Variants in SNRK observed in about 807,000 individuals in gnomAD.
SNRK encodes the protein SNF-related serine/threonine-protein kinase.
A neutral mutation model predicts 48.2 loss-of-function variants in SNRK; 3 were observed. The observed-to-expected ratio is 0.06, with a 90% CI of 0.03 to 0.16. The LOEUF (loss-of-function observed/expected upper bound fraction) is 0.16, where lower values mean the gene tolerates loss of function less well. Among genes scored for constraint, SNRK ranks in the 10% least tolerant of loss-of-function variants. The pLI, the probability that SNRK is intolerant of heterozygous loss-of-function variation, is 1.00. For missense variants in SNRK, 627 were observed against 976.0 expected, an observed-to-expected ratio of 0.64 and a Z score of 4.76; for synonymous variants, 376 against 366.1, an observed-to-expected ratio of 1.03 and a Z score of -0.31.
chr3:43,286,637 C>T lies in SNRK; in HGVS notation c.-207C>T, dbSNP rs1404682939. On this transcript the variant is annotated 5_prime_UTR_variant, in exon 1 of 7. Transcript: ENST00000296088. ...GGCGGCCGGGAGGGAGTTGTCGGCG[C>T]CGCGGCCGCTGCGGACGGACGCTCG... The T allele has an allele frequency of 2.7e-5, 4 of 149,976 alleles. No individual in the cohort carries two copies. The highest frequency in any genetic ancestry group is 2.0e-4 in the East Asian group (1 of 5,122). 9.3% of individuals were successfully genotyped at this position (149,976 alleles called of 1,614,324 possible). A position where few individuals can be genotyped will look rare whatever the true frequency, so the allele number is the denominator to read the frequency against.
intron 5 of SNRK, 138 bp from the exon 6 acceptor site, chr3:43,343,206 C>A: frequency 5.1e-6 from 6 of 1,179,604 alleles, no homozygotes; most frequent in East Asian, 2.8e-5. Flanking sequence ...TGGTTTTTTT[C>A]TGGTTTGCAT....
intron 6 of SNRK, among the ~76,000 whole-genome samples, chr3:43,343,767 T>A (rs1219116045): frequency 6.6e-6 from 1 of 152,206 alleles, no homozygotes; most frequent in Admixed American, 6.5e-5. Context: ...AGTGTCTTGC[T>A]AGTTATTTTC....
At chr3:43,317,482 A>T (rs1390727768) in intron 3 of SNRK, among the ~76,000 whole-genome samples, 2 of 152,304 alleles carry the variant, frequency 1.3e-5, no homozygotes, top group Admixed American at 1.3e-4. Flanking sequence ...GTACAATTCA[A>T]GTTGGATCAT....
chr3:43,347,681 C>T lies in SNRK; in HGVS notation c.1422C>T (p.Thr474=), dbSNP rs751128410. ...TTTTGCGCCGGAAGCCATCTGTAAC[C>T]AACCGCCTGACATCCAGGAAGAGTG... is the stretch of plus-strand genomic sequence containing the variant. ...QVVLRRKPSV[T]NRLTSRKSAP... Residue 474 remains threonine, a synonymous_variant, in exon 7 of 7, where the codon ACC becomes ACT. Coordinates refer to ENST00000296088, the MANE Select transcript of SNRK (RefSeq NM_017719.5). The surrounding 1 kb of genome is among the most constrained non-coding windows in gnomAD (Gnocchi z 5.4). 1.2e-6 allele frequency: 2 copies of T among 1,613,786 alleles called. No individual in the cohort carries two copies. The highest frequency in any genetic ancestry group is 1.7e-6 in the Non-Finnish European group (2 of 1,180,006).
chr3:43,341,696 A>T, intron 5 of SNRK, among the ~76,000 whole-genome samples: 1 of 152,180 alleles, frequency 6.6e-6, no homozygotes, highest in Non-Finnish European at 1.5e-5. Flanking sequence ...TCAGGATTTG[A>T]TCCAGTTCCC....
intron 3 of SNRK, among the ~76,000 whole-genome samples, chr3:43,305,032 T>G (rs2090926645): frequency 6.6e-6 from 1 of 152,052 alleles, no homozygotes; most frequent in African/African-American, 2.4e-5. Flanking sequence ...TTCACCCTCA[T>G]TAGTGCAGAT....
chr3:43,340,706 A>G (rs919561314), intron 5 of SNRK: 64 of 565,666 alleles, frequency 1.1e-4, no homozygotes, highest in South Asian at 5.8e-4. Context: ...TGAACAAGTA[A>G]GCCATTGCTG....
chr3:43,350,539 T>C lies in SNRK; in HGVS notation c.*1982T>C, dbSNP rs1325862436. The C allele has an allele frequency of 2.0e-5, 3 of 152,654 alleles. No individual in the cohort carries two copies. The highest frequency in any genetic ancestry group is 2.0e-4 in the Admixed American group (3 of 15,290). The allele number at this position is 152,654 out of a possible 1,614,324, so 9.5% of individuals were successfully genotyped here. ...ATGGTGCTCACTTTAGGATCAGCAG[T>C]GTTGACCATTTATGCTGCATAGCTG... On this transcript the variant is annotated 3_prime_UTR_variant, in exon 7 of 7. Transcript: ENST00000296088.
At chr3:43,325,510 C>A (rs984099827) in intron 3 of SNRK, among the ~76,000 whole-genome samples, 1 of 152,134 alleles carries the variant, frequency 6.6e-6, no homozygotes, top group Non-Finnish European at 1.5e-5. Context: ...CATCAAAATA[C>A]TCCACTAGCT....
At chr3:43,293,796 G>A (rs933482037) in intron 1 of SNRK, among the ~76,000 whole-genome samples, 9 of 152,116 alleles carry the variant, frequency 5.9e-5, no homozygotes, top group East Asian at 3.9e-4. Context: ...GCATGTTCCT[G>A]TAATCCCAGT....
chr3:43,288,680 A>T (rs1426156919), intron 1 of SNRK, among the ~76,000 whole-genome samples: 1 of 152,218 alleles, frequency 6.6e-6, no homozygotes, highest in Non-Finnish European at 1.5e-5. Flanking sequence ...CAGCTTGTCT[A>T]ATCCTAAGAG....
intron 3 of SNRK, among the ~76,000 whole-genome samples, chr3:43,324,904 A>G (rs79322728): frequency 0.031 from 4,788 of 152,304 alleles, 248 homozygotes; most frequent in African/African-American, 0.11. Flanking sequence ...CAAATGAGGA[A>G]GTTAGTTTCC....
chr3:43,298,873 G>GC (rs1160761340), intron 1 of SNRK, among the ~76,000 whole-genome samples: 4 of 152,210 alleles, frequency 2.6e-5, no homozygotes, highest in African/African-American at 9.7e-5. Context: ...TGATGAAGGT[G>GC]CTTTGTGTGA....
At chr3:43,343,302 T>A in intron 5 of SNRK, 42 bp from the exon 6 acceptor site, 1 of 1,540,960 alleles carries the variant, frequency 6.5e-7, no homozygotes, top group Non-Finnish European at 8.7e-7. Context: ...TAAAAAAACC[T>A]CCTGATATGG....
intron 2 of SNRK, among the ~76,000 whole-genome samples, chr3:43,301,627 A>C: frequency 6.6e-6 from 1 of 152,314 alleles, no homozygotes; most frequent in East Asian, 1.9e-4. Flanking sequence ...AGTTTTTAAA[A>C]ATTAAAAAAA....
intron 3 of SNRK, among the ~76,000 whole-genome samples, chr3:43,319,545 C>T (rs1051662951): frequency 6.6e-6 from 1 of 152,122 alleles, no homozygotes; most frequent in East Asian, 1.9e-4. Flanking sequence ...GCCCTGATTG[C>T]TCTTTCTCTT....
At chr3:43,307,362 C>T (rs1425730566) in intron 3 of SNRK, among the ~76,000 whole-genome samples, 1 of 152,062 alleles carries the variant, frequency 6.6e-6, no homozygotes, top group Admixed American at 6.6e-5. Flanking sequence ...TTGTGCATAA[C>T]TTTATTGCAC....
chr3:43,296,415 C>CATATATATATATGTATATATAT lies in SNRK; in HGVS notation c.-168-3327_-168-3326insGTATATATATATATATATATAT, dbSNP rs1553632564. Among the ~76,000 whole-genome samples the CATATATATATATGTATATATAT allele has an allele frequency of 3.1e-5, 4 of 127,216 alleles. No individual in the cohort carries two copies. The East Asian group carries it at 9.0e-4, about 29-fold the overall frequency. 83.5% of individuals were successfully genotyped at this position (127,216 alleles called of 152,430 possible). On this transcript the variant is annotated intron_variant, in intron 1 of 6. Coordinates refer to ENST00000296088, the MANE Select transcript of SNRK (RefSeq NM_017719.5). Reference sequence around the variant, plus strand: ...TGTTTGTATTAGATGGATATACTGGCATATATATATATATATATGTATATA... The same window carrying CATATATATATATGTATATATAT: ...TGTTTGTATTAGATGGATATACTGGCATATATATATATGTATATATATATATATATATATATATATGTATATA...
intron 4 of SNRK, among the ~76,000 whole-genome samples, chr3:43,334,621 G>A (rs1575555745): frequency 6.7e-6 from 1 of 149,882 alleles, no homozygotes; most frequent in Non-Finnish European, 1.5e-5. Context: ...TTGAGATGGA[G>A]TCTAGTGGTG....
Sources: allele counts gnomAD v4.1 joint callset (sites outside exome capture counted in the v4.1 genomes callset), GRCh38; gene constraint gnomAD v4.1.1; non-coding constraint Gnocchi (gnomAD v3.1); transcripts MANE v1.5; gene names NCBI Gene and HGNC (gene_info 2026-07-23, HGNC 2026-07-21).